The following GRID2 variants were observed in gnomAD, a reference collection of about 807,000 sequenced individuals.
The protein encoded by GRID2 is glutamate ionotropic receptor delta type subunit 2, also known as glutamate receptor ionotropic, delta-2.
Under a neutral mutation model 114.8 loss-of-function variants are expected in GRID2, and 33 were observed. That is an observed-to-expected ratio of 0.29 (90% CI 0.22 to 0.38). The LOEUF (loss-of-function observed/expected upper bound fraction) is 0.38. Among genes scored for constraint, GRID2 ranks in the 10% least tolerant of loss-of-function variants. The pLI, the probability that GRID2 is intolerant of heterozygous loss-of-function variation, is 1.00. For synonymous variants in GRID2, 505 were observed against 449.9 expected, an observed-to-expected ratio of 1.12 and a Z score of -1.55; for missense variants, 1,184 against 1,257.7, an observed-to-expected ratio of 0.94 and a Z score of 0.89.
At chr4:93,657,687 C>A (rs1234846409) in intron 14 of GRID2, among the ~76,000 whole-genome samples, 1 of 151,944 alleles carries the variant, frequency 6.6e-6, no homozygotes, top group Non-Finnish European at 1.5e-5. Flanking sequence ...ACTTCTGCCC[C>A]AACTTCAAAG....
intron 1 of GRID2, among the ~76,000 whole-genome samples, chr4:93,793,620 T>C (rs1041050765): frequency 6.6e-6 from 1 of 152,220 alleles, no homozygotes; most frequent in Non-Finnish European, 1.5e-5. Context: ...AATTGTCTTC[T>C]GAAATTGTAA....
chr4:93,078,786 C>G (rs1050754954), intron 2 of GRID2, among the ~76,000 whole-genome samples: 3 of 143,882 alleles, frequency 2.1e-5, no homozygotes, highest in South Asian at 2.2e-4. Context: ...ACTGTATATA[C>G]TAAATATAAT....
At chr4:92,305,705 G>T (rs563824782) in intron 1 of GRID2, among the ~76,000 whole-genome samples, 15 of 152,302 alleles carry the variant, frequency 9.8e-5, no homozygotes, top group Non-Finnish European at 2.1e-4. Context: ...AGGGGCGGGC[G>T]GGGGGCTGCG....
rs143233462 is a variant in GRID2 at position 93,337,728 on chromosome 4, T to C, written c.1246-57879T>C. 4.9e-3 allele frequency among the ~76,000 whole-genome samples: 739 copies of C among 152,282 alleles called. 3 individuals carry two copies. Among genetic ancestry groups the C allele is most frequent in the Non-Finnish European group, 7.3e-3 (494 of 68,010 alleles). On this transcript the variant is annotated intron_variant, in intron 8 of 15. Coordinates refer to ENST00000282020, the MANE Select transcript of GRID2 (RefSeq NM_001510.4). ...AATATGAGAGACCAATGAAGACTAA[T>C]CTCTCAAAACTTGTGGCCGGACAAA... is the stretch of plus-strand genomic sequence containing the variant.
At chr4:93,328,170 C>G (rs1267146965) in intron 8 of GRID2, among the ~76,000 whole-genome samples, 1 of 151,966 alleles carries the variant, frequency 6.6e-6, no homozygotes, top group African/African-American at 2.4e-5. Flanking sequence ...AAGCAATATG[C>G]ACTTTTAAAG....
intron 2 of GRID2, among the ~76,000 whole-genome samples, chr4:92,780,752 C>T (rs1739030583): frequency 6.6e-6 from 1 of 152,040 alleles, no homozygotes; most frequent in Non-Finnish European, 1.5e-5. Context: ...GTGTGTATTT[C>T]TCTTCCTGCA....
intron 14 of GRID2, among the ~76,000 whole-genome samples, chr4:93,730,720 G>A (rs147946496): frequency 3.7e-4 from 56 of 152,286 alleles, no homozygotes; most frequent in African/African-American, 1.0e-3. Context: ...AGCCAGGAGT[G>A]GAAAAGTACT....
intron 9 of GRID2, among the ~76,000 whole-genome samples, chr4:93,396,617 A>C (rs1014916500): frequency 6.6e-6 from 1 of 152,014 alleles, no homozygotes; most frequent in African/African-American, 2.4e-5. Flanking sequence ...GAGTAACCGA[A>C]ACTGGTGAAA....
chr4:92,469,678 G>A (rs1433517862), intron 1 of GRID2, among the ~76,000 whole-genome samples: 10 of 151,276 alleles, frequency 6.6e-5, no homozygotes, highest in Admixed American at 5.9e-4. Flanking sequence ...AGAAAGAAAG[G>A]CATAAAAATA....
chr4:93,161,497 C>G (rs1737681369), intron 4 of GRID2, among the ~76,000 whole-genome samples: 1 of 151,748 alleles, frequency 6.6e-6, no homozygotes, highest in Non-Finnish European at 1.5e-5. Flanking sequence ...GCCTTATTTT[C>G]TATTACAGCT....
chr4:93,206,868 T>G (rs1200620479), intron 4 of GRID2, among the ~76,000 whole-genome samples: 1 of 152,148 alleles, frequency 6.6e-6, no homozygotes, highest in Non-Finnish European at 1.5e-5. Context: ...AATTTTAGAA[T>G]AGATCACCTT....
chr4:93,579,123 T>C (rs1736722608), intron 13 of GRID2, among the ~76,000 whole-genome samples: 1 of 152,198 alleles, frequency 6.6e-6, no homozygotes, highest in Non-Finnish European at 1.5e-5. Flanking sequence ...TTATGACATG[T>C]ACATTTTTAG....
At chr4:92,781,254 A>T (rs975768623) in intron 2 of GRID2, among the ~76,000 whole-genome samples, 4 of 151,978 alleles carry the variant, frequency 2.6e-5, no homozygotes, top group Admixed American at 6.6e-5. Flanking sequence ...TCAAAAAAAC[A>T]AAAACAAAAA....
At chr4:92,633,394 G>T (rs1223294585) in intron 2 of GRID2, among the ~76,000 whole-genome samples, 1 of 152,092 alleles carries the variant, frequency 6.6e-6, no homozygotes, top group Admixed American at 6.6e-5. Flanking sequence ...ACTCCTGGGA[G>T]ACACAACAAA....
At chr4:93,634,609 G>A (rs545050180) in intron 14 of GRID2, among the ~76,000 whole-genome samples, 4 of 152,082 alleles carry the variant, frequency 2.6e-5, no homozygotes, top group South Asian at 2.1e-4. Context: ...GTTGAAGCTC[G>A]TGTCCTTATG....
At chr4:92,473,017 G>C (rs775452112) in intron 1 of GRID2, among the ~76,000 whole-genome samples, 2 of 151,814 alleles carry the variant, frequency 1.3e-5, no homozygotes, top group African/African-American at 2.4e-5. Flanking sequence ...CTTATTTCTA[G>C]ACATTTCATA....
intron 14 of GRID2, among the ~76,000 whole-genome samples, chr4:93,760,889 T>C (rs1733150360): frequency 6.6e-6 from 1 of 152,148 alleles, no homozygotes; most frequent in South Asian, 2.1e-4. Context: ...CAAGCTCCCA[T>C]TGCCTAGAAA....
intron 1 of GRID2, among the ~76,000 whole-genome samples, chr4:92,456,928 T>A (rs1232980525): frequency 6.6e-6 from 1 of 152,174 alleles, no homozygotes; most frequent in African/African-American, 2.4e-5. Flanking sequence ...TATTTGTGCC[T>A]AAAATTCTTA....
intron 4 of GRID2, among the ~76,000 whole-genome samples, chr4:93,129,518 T>C (rs138307713): frequency 2.0e-5 from 3 of 152,058 alleles, no homozygotes; most frequent in African/African-American, 7.2e-5. Flanking sequence ...TGGAGACTAG[T>C]GCTACTAGGG....
Sources: allele counts gnomAD v4.1 joint callset (sites outside exome capture counted in the v4.1 genomes callset), GRCh38; gene constraint gnomAD v4.1.1; transcripts MANE v1.5; gene names NCBI Gene and HGNC (gene_info 2026-07-23, HGNC 2026-07-21).